Variants in PIK3C2A observed in about 807,000 individuals in gnomAD.
PIK3C2A encodes the protein phosphatidylinositol 4-phosphate 3-kinase C2 domain-containing subunit alpha.
A neutral mutation model predicts 204.5 loss-of-function variants in PIK3C2A; 97 were observed. The observed-to-expected ratio is 0.47, with a 90% CI of 0.40 to 0.56. The LOEUF is 0.56. PIK3C2A is among the 20% of genes least tolerant of loss of function. The pLI is 0.00. For synonymous variants in PIK3C2A, 653 were observed against 664.4 expected, an observed-to-expected ratio of 0.98 and a Z score of 0.26; for missense variants, 1,735 against 1,969.2, an observed-to-expected ratio of 0.88 and a Z score of 2.25.
chr11:17,115,664 C>A (rs867941758), intron 19 of PIK3C2A: 19 of 150,764 alleles, frequency 1.3e-4, no homozygotes, highest in Admixed American at 8.6e-4. Context: ...AAATTTTTAA[C>A]AGAACACTTC....
Position 17,156,368 on chromosome 11 carries a change from T to C in PIK3C2A, c.1066-739A>G, listed in dbSNP as rs554086798. 2.7e-3 allele frequency among the ~76,000 whole-genome samples: 404 copies of C among 152,320 alleles called. 2 individuals carry two copies. Among genetic ancestry groups the C allele is most frequent in the African/African-American group, 7.1e-3 (294 of 41,584 alleles). ...AAGAGCTATAACAGATTTCAATGAC[T>C]ATGGCACACAAAAAGACTTTTTTTT... On this transcript the variant is annotated intron_variant, in intron 2 of 32. Coordinates refer to ENST00000691414, the MANE Select transcript of PIK3C2A (RefSeq NM_002645.4).
intron 1 of PIK3C2A, chr11:17,193,986 T>C (rs1852049536): frequency 3.6e-5 from 13 of 360,202 alleles, no homozygotes. Flanking sequence ...ACATGTGCAT[T>C]GCCAAGAAGC....
At chr11:17,108,684 A>G (rs1455622442) in intron 22 of PIK3C2A, among the ~76,000 whole-genome samples, 1 of 152,204 alleles carries the variant, frequency 6.6e-6, no homozygotes, top group African/African-American at 2.4e-5. Context: ...ATGGCTTAGC[A>G]GAAGCTGGTA....
intron 22 of PIK3C2A, 49 bp from the exon 23 acceptor site, chr11:17,105,354 G>C: frequency 6.8e-7 from 1 of 1,464,486 alleles, no homozygotes; most frequent in Non-Finnish European, 9.3e-7. Context: ...TCCAAAGTAA[G>C]CCTTTAAACA....
Position 17,122,249 on chromosome 11 carries a change from T to C in PIK3C2A, c.2596A>G (p.Thr866Ala), listed in dbSNP as rs1849389248. 6.5e-7 allele frequency: 1 copy of C among 1,535,358 alleles called. No individual in the cohort carries two copies. The highest frequency in any genetic ancestry group is 9.0e-7 in the Non-Finnish European group (1 of 1,110,274). ...RSIIQQHNLE[T>A]LENDIKGKLL... ...TTCCCTTTTATATCATTCTCTAGTG[T>C]TTCTAAGTTATGTTGCTGTATAATG... The change falls in exon 15 of 33, where the codon ACA becomes GCA. Residue 866 changes from threonine (T) to alanine (A), a missense_variant. Transcript: ENST00000691414.
intron 8 of PIK3C2A, among the ~76,000 whole-genome samples, chr11:17,142,616 A>G (rs1331320156): frequency 6.6e-6 from 1 of 152,126 alleles, no homozygotes; most frequent in East Asian, 1.9e-4. Flanking sequence ...GGAGTTCAAG[A>G]CCAGCCCAGA....
At position 17,202,856 on chromosome 11, in the gene PIK3C2A, C is replaced by T. The variant is rs12287981; in HGVS notation, c.-66+4992G>A. Reference sequence around the variant, plus strand: ...TTTTTTAACCAAGCTCAGTGCACAGCAAATTAAGTGCACCAACATTGCACA... The same window carrying T: ...TTTTTTAACCAAGCTCAGTGCACAGTAAATTAAGTGCACCAACATTGCACA... On this transcript the variant is annotated intron_variant, in intron 1 of 32. Transcript: ENST00000691414. Among the ~76,000 whole-genome samples, 908 of 152,220 alleles carry T rather than the reference C, an allele frequency of 6.0e-3. 18 individuals are homozygous for T. Among genetic ancestry groups the T allele is most frequent in the African/African-American group, 0.021 (864 of 41,530 alleles).
At position 17,088,415 on chromosome 11, in the gene PIK3C2A, A is replaced by C. The variant is rs1291217762; in HGVS notation, c.*1323T>G. 6.6e-6 allele frequency: 1 copy of C among 152,114 alleles called. No homozygotes were observed. The highest frequency in any genetic ancestry group is 1.5e-5 in the Non-Finnish European group (1 of 68,078). The allele number at this position is 152,114 out of a possible 1,614,324, so 9.4% of individuals were successfully genotyped here. ...AGATGCCCGCTACCACGCCTGGCTA[A>C]TTTTTGTGTAGAGACGGGGTTTCAC... is the stretch of plus-strand genomic sequence containing the variant. On this transcript the variant is annotated 3_prime_UTR_variant, in exon 33 of 33. Coordinates refer to ENST00000691414, the MANE Select transcript of PIK3C2A (RefSeq NM_002645.4).
chr11:17,148,480 C>T (rs1850321201), intron 5 of PIK3C2A, 187 bp downstream of exon 5: 8 of 555,644 alleles, frequency 1.4e-5, no homozygotes, highest in Non-Finnish European at 2.5e-5. Context: ...ATCTCTGAAA[C>T]CCCACCACTG....
chr11:17,193,089 C>G lies in PIK3C2A; in HGVS notation c.-66+14759G>C, dbSNP rs527731224. Among the ~76,000 whole-genome samples the G allele has an allele frequency of 8.4e-4, 128 of 152,280 alleles. 1 individual carries two copies. Among genetic ancestry groups the G allele is most frequent in the African/African-American group, 3.0e-3 (123 of 41,574 alleles). ...AGATTTCCTCTCTGTCATATGTGGT[C>G]GCCTGCACTCTGTTAGGACACAGCA... On this transcript the variant is annotated intron_variant, in intron 1 of 32. Transcript: ENST00000691414.
In PIK3C2A at chr11:17,129,004, T is replaced by C. The variant is rs553034498; in HGVS notation, c.2399+296A>G. Among the ~76,000 whole-genome samples the C allele has an allele frequency of 2.5e-4, 38 of 152,372 alleles. No homozygotes were observed. In the Middle Eastern group the frequency reaches 0.014, roughly 55 times the overall value. On this transcript the variant is annotated intron_variant, in intron 13 of 32. Transcript: ENST00000691414. ...GGGAACTTACAAGACTGTGGTATTA[T>C]GTCAACAATGTAGTACTTTATATAA... is the stretch of plus-strand genomic sequence containing the variant.
chr11:17,148,625 T>C (rs1439020573), intron 5 of PIK3C2A, 42 bp downstream of exon 5: 3 of 1,586,236 alleles, frequency 1.9e-6, no homozygotes, highest in Admixed American at 1.8e-5. Flanking sequence ...CCATTAAAAA[T>C]GAAATTTCCA....
chr11:17,129,358 G>A lies in PIK3C2A; in HGVS notation c.2341C>T (p.Gln781Ter). The A allele has an allele frequency of 6.2e-7, 1 of 1,613,608 alleles. No homozygotes were observed. The change falls in exon 13 of 33, where the codon CAG (glutamine) becomes TAG (stop). Residue 781 changes from glutamine to a stop codon, truncating the protein, a stop_gained. Coordinates refer to ENST00000691414, the MANE Select transcript of PIK3C2A (RefSeq NM_002645.4). LOFTEE classifies it high-confidence loss of function. ...CCCAAAGCTTCTGGTCCCTTTCTCT[G>A]CTTATTAGAATCAGGGGAACTTCCA... ...SSGSSPDSNKQRKGPEALGKV... is the reference protein window; with the variant it reads ...SSGSSPDSNK
intron 4 of PIK3C2A, 89 bp from the exon 5 acceptor site, chr11:17,148,876 T>C (rs976334378): frequency 5.1e-5 from 54 of 1,061,558 alleles, no homozygotes; most frequent in Non-Finnish European, 3.6e-5. Context: ...CAGTATACAA[T>C]AGAAATATAA....
chr11:17,112,755 TTCC>T, intron 20 of PIK3C2A, 89 bp from the exon 21 acceptor site: 1 of 549,844 alleles, frequency 1.8e-6, no homozygotes, highest in Non-Finnish European at 3.2e-6. Context: ...CTTTCACTTC[TTCC>T]TTTGTGTCTT....
At position 17,206,808 on chromosome 11, in the gene PIK3C2A, T is replaced by G. The variant is rs565115242; in HGVS notation, c.-66+1040A>C. On this transcript the variant is annotated intron_variant, in intron 1 of 32. Coordinates refer to ENST00000691414, the MANE Select transcript of PIK3C2A (RefSeq NM_002645.4). ...ATCTCTTATATGCTGTGGCCTTTGA[T>G]GCTACAATAGATTTAAAAATTTTCC... is the stretch of plus-strand genomic sequence containing the variant. 5.9e-5 allele frequency among the ~76,000 whole-genome samples: 9 copies of G among 152,348 alleles called. No individual in the cohort carries two copies. In the South Asian group the frequency reaches 1.9e-3, roughly 32 times the overall value.
rs983639709 is a variant in PIK3C2A at position 17,164,220 on chromosome 11, C to T, written c.1065+4457G>A. 3.9e-5 allele frequency among the ~76,000 whole-genome samples: 6 copies of T among 152,078 alleles called. No homozygotes were observed. In the East Asian group the frequency reaches 5.8e-4, roughly 15 times the overall value. Reference sequence around the variant, plus strand: ...CAAAAAAATTAGCTGGGTGTGGTGGCGTGTACCTATAGTCCCAGCCACTCA... The same window carrying T: ...CAAAAAAATTAGCTGGGTGTGGTGGTGTGTACCTATAGTCCCAGCCACTCA... On this transcript the variant is annotated intron_variant, in intron 2 of 32. Coordinates refer to ENST00000691414, the MANE Select transcript of PIK3C2A (RefSeq NM_002645.4).
At chr11:17,105,373 A>C (rs1301238191) in intron 22 of PIK3C2A, 68 bp from the exon 23 acceptor site, 39 of 1,299,142 alleles carry the variant, frequency 3.0e-5, no homozygotes, top group Non-Finnish European at 4.1e-5. Flanking sequence ...CATTTTTAAA[A>C]ATTATTATTA....
intron 25 of PIK3C2A, among the ~76,000 whole-genome samples, chr11:17,100,256 GGGGGGCAGGGAGCCGGGTGC>G (rs1848585491): frequency 8.5e-6 from 1 of 117,430 alleles, no homozygotes; most frequent in Non-Finnish European, 1.8e-5. Context: ...GGGCGGGGGG[GGGGGGCAGGGAGCCGGGTGC>G]GATCTTGGCT....
Sources: gnomAD v4.1 joint callset for allele counts (sites outside exome capture counted in the v4.1 genomes callset) on GRCh38, gnomAD v4.1.1 for gene constraint, MANE v1.5 for transcripts, NCBI Gene and HGNC (gene_info 2026-07-23, HGNC 2026-07-21) for gene names.